TEX35: variants seen among roughly 807,000 people sequenced by gnomAD.
TEX35 encodes the protein testis expressed 35.
TEX35 carries 26 observed loss-of-function variants against 31.9 expected under a neutral mutation model. The ratio of observed to expected loss-of-function variants is 0.81; its 90% CI spans 0.60 to 1.13. The LOEUF is 1.13. TEX35 is among the 50% of genes most tolerant of loss of function. The pLI is 0.00. For missense variants in TEX35, 278 were observed against 273.5 expected, an observed-to-expected ratio of 1.02 and a Z score of -0.12; for synonymous variants, 87 against 90.7, an observed-to-expected ratio of 0.96 and a Z score of 0.23.
At position 178,521,137 on chromosome 1, in the gene TEX35, G is replaced by A. The variant is rs547621564; in HGVS notation, c.544-85G>A. On this transcript the variant is annotated intron_variant, in intron 7 of 8. Coordinates refer to ENST00000319416, the MANE Select transcript of TEX35 (RefSeq NM_032126.5). Reference sequence around the variant, plus strand: ...CCCTCTTATTCTGTCCTTCCCTTTAGCAAGGGCAGATAAGGTGCCTAGCAG... The same window carrying A: ...CCCTCTTATTCTGTCCTTCCCTTTAACAAGGGCAGATAAGGTGCCTAGCAG... 34 of 1,603,456 alleles carry A rather than the reference G, an allele frequency of 2.1e-5. No individual in the cohort carries two copies. The African/African-American group carries it at 4.4e-4, about 21-fold the overall frequency.
At chr1:178,513,956 G>GCAAGGGA in intron 1 of TEX35, 71 bp from the exon 2 acceptor site, 1 of 1,567,762 alleles carries the variant, frequency 6.4e-7, no homozygotes. Flanking sequence ...GGGTTCCCGT[G>GCAAGGGA]CAAGGGCCAG....
intron 8 of TEX35, 144 bp downstream of exon 8, chr1:178,521,408 C>A: frequency 3.7e-6 from 4 of 1,074,220 alleles, no homozygotes; most frequent in Non-Finnish European, 4.3e-6. Context: ...TGCCACCCAG[C>A]ATGCTCAGTC....
intron 2 of TEX35, 26 bp from the exon 3 acceptor site, chr1:178,514,674 G>A (rs746348005): frequency 6.2e-7 from 1 of 1,611,940 alleles, no homozygotes; most frequent in Admixed American, 1.7e-5. Flanking sequence ...ATTCCCAAAG[G>A]TCTGTGTTCC....
At chr1:178,518,388 A>G (rs1650155035) in intron 5 of TEX35, among the ~76,000 whole-genome samples, 2 of 152,308 alleles carry the variant, frequency 1.3e-5, no homozygotes, top group South Asian at 2.1e-4. Flanking sequence ...CAGAAACGCC[A>G]TCATGGGTAT....
intron 8 of TEX35, 158 bp downstream of exon 8, chr1:178,521,422 C>T (rs1316914886): frequency 7.7e-6 from 8 of 1,038,654 alleles, no homozygotes; most frequent in Non-Finnish European, 1.2e-5. Flanking sequence ...CTCAGTCATA[C>T]AGGATGTGGC....
chr1:178,513,146 G>A lies in TEX35; in HGVS notation c.-43G>A. The A allele has an allele frequency of 1.2e-6, 2 of 1,609,606 alleles. No homozygotes were observed. Among genetic ancestry groups the A allele is most frequent in the South Asian group, 1.1e-5 (1 of 90,968 alleles). Reference sequence around the variant, plus strand: ...GCCTAGGACAGTGGCCTGGTCCCAGGGGCTGTTGTGGGGAGTTGAAGAACA... The same window carrying A: ...GCCTAGGACAGTGGCCTGGTCCCAGAGGCTGTTGTGGGGAGTTGAAGAACA... On this transcript the variant is annotated 5_prime_UTR_variant, in exon 1 of 9. Coordinates refer to ENST00000319416, the MANE Select transcript of TEX35 (RefSeq NM_032126.5).
At chr1:178,520,979 C>A (rs74129233) in intron 7 of TEX35, 105 bp downstream of exon 7, 11 of 1,556,624 alleles carry the variant, frequency 7.1e-6, no homozygotes, top group Non-Finnish European at 9.6e-6. Flanking sequence ...GGGACAGGTC[C>A]GCCCGCTGCT....
At chr1:178,515,998 A>G in intron 4 of TEX35, 83 bp downstream of exon 4, 2 of 1,110,436 alleles carry the variant, frequency 1.8e-6, no homozygotes, top group South Asian at 1.3e-5. Flanking sequence ...ATAGTGAAGG[A>G]AAGCAGGAAT....
At position 178,514,038 on chromosome 1, in the gene TEX35, C is replaced by CA. The variant is rs1204950607; in HGVS notation, c.53dup (p.Ala19GlyfsTer15). Reference sequence around the variant, plus strand: ...TCCTCTTTTTGCAGAGCAAGAACTACAAGGCAGTTTGCCTGGAATTGAAGC... The same window carrying CA: ...TCCTCTTTTTGCAGAGCAAGAACTACAAAGGCAGTTTGCCTGGAATTGAAGC... On this transcript the variant is annotated frameshift_variant, in exon 2 of 9. Coordinates refer to ENST00000319416, the MANE Select transcript of TEX35 (RefSeq NM_032126.5). LOFTEE classifies it high-confidence loss of function. The CA allele has an allele frequency of 6.2e-7, 1 of 1,614,156 alleles. No homozygotes were observed. The highest frequency in any genetic ancestry group is 8.5e-7 in the Non-Finnish European group (1 of 1,180,020).
At chr1:178,513,364 C>G in intron 1 of TEX35, 137 bp downstream of exon 1, 1 of 1,173,332 alleles carries the variant, frequency 8.5e-7, no homozygotes, top group Non-Finnish European at 1.2e-6. Flanking sequence ...CATAAAGCAG[C>G]CTCTCAGTCT....
At chr1:178,521,920 C>G in intron 8 of TEX35, 1 of 1,275,862 alleles carries the variant, frequency 7.8e-7, no homozygotes, top group Non-Finnish European at 1.0e-6. Context: ...CCCCTGCTTC[C>G]TGATGGATTG....
At chr1:178,514,879 C>A in intron 3 of TEX35, 111 bp downstream of exon 3, 1 of 864,326 alleles carries the variant, frequency 1.2e-6, no homozygotes, top group Non-Finnish European at 1.9e-6. Context: ...CTTACATAGG[C>A]ACAGTGCAAT....
chr1:178,518,987 T>C (rs1018780420), intron 5 of TEX35, among the ~76,000 whole-genome samples: 1 of 152,150 alleles, frequency 6.6e-6, no homozygotes, highest in African/African-American at 2.4e-5. Context: ...TAGGTAATGA[T>C]GGCTTTTGAA....
chr1:178,521,878 C>G (rs1650298658), intron 8 of TEX35: 3 of 1,453,788 alleles, frequency 2.1e-6, no homozygotes, highest in Non-Finnish European at 2.7e-6. Flanking sequence ...ATTTTTGGTT[C>G]TATATCAGTG....
chr1:178,517,788 G>A (rs1308065330), intron 5 of TEX35, among the ~76,000 whole-genome samples: 19 of 152,272 alleles, frequency 1.2e-4, no homozygotes, highest in Non-Finnish European at 2.9e-5. Flanking sequence ...ACACTGTAAA[G>A]CTAAATAGTC....
intron 2 of TEX35, 179 bp downstream of exon 2, chr1:178,514,256 G>A (rs139543027): frequency 2.2e-5 from 34 of 1,516,278 alleles, no homozygotes; most frequent in Middle Eastern, 1.7e-4. Context: ...ATACATAAAC[G>A]AACAAGGACT....
intron 4 of TEX35, 23 bp from the exon 5 acceptor site, chr1:178,516,592 G>A (rs1206558318): frequency 1.2e-6 from 2 of 1,608,476 alleles, no homozygotes; most frequent in Non-Finnish European, 1.7e-6. Flanking sequence ...GCTTTGTCAA[G>A]CCATGCCTTT....
At position 178,520,979 on chromosome 1, in the gene TEX35, C is replaced by T. The variant is rs74129233; in HGVS notation, c.543+105C>T. 1.5e-3 allele frequency: 2,288 copies of T among 1,556,622 alleles called. 28 individuals are homozygous for T. The African/African-American group carries it at 0.027, about 19-fold the overall frequency. Reference sequence around the variant, plus strand: ...CTGTATCATAGTGAAGGGACAGGTCCGCCCGCTGCTGACTTCTGGGTGCCG... The same window carrying T: ...CTGTATCATAGTGAAGGGACAGGTCTGCCCGCTGCTGACTTCTGGGTGCCG... On this transcript the variant is annotated intron_variant, in intron 7 of 8. Coordinates refer to ENST00000319416, the MANE Select transcript of TEX35 (RefSeq NM_032126.5).
intron 7 of TEX35, 59 bp from the exon 8 acceptor site, chr1:178,521,163 G>C (rs1006376007): frequency 6.2e-7 from 1 of 1,611,628 alleles, no homozygotes; most frequent in Non-Finnish European, 8.5e-7. Flanking sequence ...TGCCTAGCAG[G>C]CTGCCCTTCT....
Sources: gnomAD v4.1 joint callset for allele counts (sites outside exome capture counted in the v4.1 genomes callset) on GRCh38, gnomAD v4.1.1 for gene constraint, MANE v1.5 for transcripts, NCBI Gene and HGNC (gene_info 2026-07-23, HGNC 2026-07-21) for gene names.